Variants in CNTLN observed in about 807,000 individuals in gnomAD.
The protein encoded by CNTLN is centlein, centrosomal protein.
Under a neutral mutation model 180.0 loss-of-function variants are expected in CNTLN, and 212 were observed. That is an observed-to-expected ratio of 1.18 (90% CI 1.05 to 1.32). The LOEUF is 1.32. Among genes scored for constraint, CNTLN ranks in the 40% most tolerant of loss-of-function variants. CNTLN has a pLI of 0.00. For synonymous variants in CNTLN, 722 were observed against 563.1 expected (o/e 1.28, Z -3.99); for missense variants, 2,095 against 1,610.9 (o/e 1.30, Z -5.14).
chr9:17,299,385 G>A, intron 7 of CNTLN: 2 of 878,930 alleles, frequency 2.3e-6, no homozygotes, highest in African/African-American at 1.8e-5. Context: ...GAGGCTTAGA[G>A]AGGTTAAATA....
At chr9:17,208,127 T>A (rs914091197) in intron 2 of CNTLN, among the ~76,000 whole-genome samples, 2 of 152,200 alleles carry the variant, frequency 1.3e-5, no homozygotes, top group Non-Finnish European at 2.9e-5. Flanking sequence ...TTTATTGTGT[T>A]GAGATATGTT....
intron 12 of CNTLN, among the ~76,000 whole-genome samples, chr9:17,344,985 T>C (rs1273673376): frequency 6.6e-6 from 1 of 152,212 alleles, no homozygotes; most frequent in Non-Finnish European, 1.5e-5. Context: ...TCATACAGGC[T>C]ATTTACTTTC....
intron 5 of CNTLN, among the ~76,000 whole-genome samples, chr9:17,269,650 A>G (rs1290227067): frequency 6.6e-6 from 1 of 152,118 alleles, no homozygotes; most frequent in Non-Finnish European, 1.5e-5. Context: ...TAATTTTAGT[A>G]TTTTAAAAAT....
intron 5 of CNTLN, among the ~76,000 whole-genome samples, chr9:17,249,942 A>G: frequency 6.7e-6 from 1 of 148,808 alleles, no homozygotes; most frequent in Admixed American, 6.8e-5. Flanking sequence ...ATAACCTTCC[A>G]TGTAGATGCT....
intron 5 of CNTLN, among the ~76,000 whole-genome samples, chr9:17,257,908 T>C (rs1222871189): frequency 7.3e-6 from 1 of 137,546 alleles, no homozygotes; most frequent in East Asian, 2.0e-4. Flanking sequence ...TTGCAAAAAT[T>C]TTCTCCCATT....
intron 2 of CNTLN, among the ~76,000 whole-genome samples, chr9:17,170,466 C>T (rs970022640): frequency 1.3e-5 from 2 of 151,998 alleles, no homozygotes; most frequent in African/African-American, 4.8e-5. Context: ...GATGGTGTTC[C>T]CTAAGTACTG....
intron 8 of CNTLN, among the ~76,000 whole-genome samples, chr9:17,318,664 G>C (rs1819698863): frequency 6.6e-6 from 1 of 152,196 alleles, no homozygotes; most frequent in Admixed American, 6.5e-5. Flanking sequence ...CTAGCAGTAG[G>C]AGGACTCTGA....
At chr9:17,425,632 C>T (rs1829030387) in intron 18 of CNTLN, among the ~76,000 whole-genome samples, 1 of 152,074 alleles carries the variant, frequency 6.6e-6, no homozygotes, top group Non-Finnish European at 1.5e-5. Flanking sequence ...TTTTGAGGTG[C>T]ATGCTGGAAA....
chr9:17,161,592 G>A (rs577627793), intron 2 of CNTLN, among the ~76,000 whole-genome samples: 10 of 152,144 alleles, frequency 6.6e-5, no homozygotes, highest in Non-Finnish European at 1.2e-4. Context: ...CAGTATCTTT[G>A]CCTTAGACAC....
At chr9:17,475,304 A>G (rs997809945) in intron 23 of CNTLN, among the ~76,000 whole-genome samples, 2 of 152,130 alleles carry the variant, frequency 1.3e-5, no homozygotes, top group African/African-American at 4.8e-5. Flanking sequence ...GTTGGTTGGA[A>G]GAGTTGAGTT....
intron 2 of CNTLN, among the ~76,000 whole-genome samples, chr9:17,195,717 TA>T (rs1237195247): frequency 6.6e-6 from 1 of 152,148 alleles, no homozygotes; most frequent in Non-Finnish European, 1.5e-5. Context: ...GTGGTTTTGG[TA>T]AAAAATGTAA....
At chr9:17,151,583 C>T (rs1024240945) in intron 2 of CNTLN, among the ~76,000 whole-genome samples, 25 of 152,144 alleles carry the variant, frequency 1.6e-4, no homozygotes, top group African/African-American at 2.9e-4. Flanking sequence ...TGAGGATTTT[C>T]GCATTGATGT....
chr9:17,213,027 C>T (rs140632178), intron 2 of CNTLN, among the ~76,000 whole-genome samples: 1 of 151,934 alleles, frequency 6.6e-6, no homozygotes, highest in Non-Finnish European at 1.5e-5. Flanking sequence ...ATTGATTTTT[C>T]TGAAGTGTTT....
chr9:17,297,107 T>C (rs600041), intron 6 of CNTLN, among the ~76,000 whole-genome samples: 30,340 of 152,146 alleles, frequency 0.2, 3,737 homozygotes, highest in African/African-American at 0.34. Flanking sequence ...AAATATCAGG[T>C]GAAGAAAAAT....
chr9:17,194,720 A>G (rs1288769585), intron 2 of CNTLN, among the ~76,000 whole-genome samples: 1 of 152,180 alleles, frequency 6.6e-6, no homozygotes, highest in Non-Finnish European at 1.5e-5. Flanking sequence ...ATTTTCAGGT[A>G]TCTTTTAAGC....
intron 6 of CNTLN, among the ~76,000 whole-genome samples, chr9:17,276,571 AT>A (rs1450071684): frequency 1.3e-5 from 2 of 152,018 alleles, no homozygotes; most frequent in Non-Finnish European, 2.9e-5. Context: ...GCTAAAGGAT[AT>A]TTTTGTGAAC....
At chr9:17,283,723 G>T (rs1157889482) in intron 6 of CNTLN, among the ~76,000 whole-genome samples, 1 of 152,146 alleles carries the variant, frequency 6.6e-6, no homozygotes. Context: ...GTATGATATT[G>T]GCTGTGGGTT....
intron 3 of CNTLN, among the ~76,000 whole-genome samples, chr9:17,234,624 T>A (rs1294115355): frequency 7.9e-5 from 12 of 151,966 alleles, no homozygotes; most frequent in Non-Finnish European, 2.9e-5. Flanking sequence ...TATTTAGGGA[T>A]CAGCACCAGT....
At chr9:17,512,085 A>G in the CNTLN span, among the ~76,000 whole-genome samples, 1 of 152,334 alleles carries the variant, frequency 6.6e-6, no homozygotes, top group East Asian at 1.9e-4. Context: ...CAGCACAATT[A>G]TTCTTCCACA....
Sources: gnomAD v4.1 joint callset for allele counts (sites outside exome capture counted in the v4.1 genomes callset) on GRCh38, gnomAD v4.1.1 for gene constraint, MANE v1.5 for transcripts, NCBI Gene and HGNC (gene_info 2026-07-23, HGNC 2026-07-21) for gene names.